The following TBCE variants were observed in gnomAD, a reference collection of about 807,000 sequenced individuals.
TBCE encodes the protein tubulin-specific chaperone E.
In TBCE, 53 loss-of-function variants were observed where a neutral mutation model predicts 77.0. That is an observed-to-expected ratio of 0.69 (90% confidence interval 0.55 to 0.87). The LOEUF (loss-of-function observed/expected upper bound fraction) is 0.87. Among genes scored for constraint, TBCE ranks in the 40% least tolerant of loss-of-function variants. The pLI is 0.00. For synonymous variants in TBCE, 235 were observed against 241.3 expected, an observed-to-expected ratio of 0.97 and a Z score of 0.24; for missense variants, 624 against 622.4, an observed-to-expected ratio of 1.00 and a Z score of -0.03.
At chr1:235,392,093 G>A (rs1403420931) in intron 2 of TBCE, among the ~76,000 whole-genome samples, 1 of 152,086 alleles carries the variant, frequency 6.6e-6, no homozygotes, top group African/African-American at 2.4e-5. Context: ...AGGCTGAAGA[G>A]GGAGGATTGC....
intron 6 of TBCE, 96 bp from the exon 7 acceptor site, chr1:235,430,609 C>T (rs981721509): frequency 1.2e-6 from 1 of 804,170 alleles, no homozygotes. Flanking sequence ...CAAATCAAAC[C>T]CCTTAGATTA....
At chr1:235,430,935 A>C (rs2291688) in intron 7 of TBCE, 131 bp downstream of exon 7, 1 of 764,382 alleles carries the variant, frequency 1.3e-6, no homozygotes, top group Non-Finnish European at 2.2e-6. Flanking sequence ...CTATTAATAG[A>C]TAACAAGATT....
rs960840145 is a variant in TBCE, at chr1:235,381,597, A to G, written c.100+1448A>G. 1.3e-4 allele frequency among the ~76,000 whole-genome samples: 19 copies of G among 147,798 alleles called. No individual in the cohort carries two copies. The Admixed American group carries it at 1.3e-3, about 10-fold the overall frequency. Reference sequence around the variant, plus strand: ...TACTAAGGGAGACTGAGGCAGGAGAATGGCATGAACCTGGGAGGTGGAGGT... The same window carrying G: ...TACTAAGGGAGACTGAGGCAGGAGAGTGGCATGAACCTGGGAGGTGGAGGT... On this transcript the variant is annotated intron_variant, in intron 2 of 16. Coordinates refer to ENST00000642610, the MANE Select transcript of TBCE (RefSeq NM_003193.5).
intron 1 of TBCE, among the ~76,000 whole-genome samples, chr1:235,370,933 G>T (rs1354963665): frequency 6.8e-6 from 1 of 147,800 alleles, no homozygotes; most frequent in Non-Finnish European, 1.5e-5. Context: ...GTAGAAATGG[G>T]GTTTCACCAT....
chr1:235,394,156 G>C (rs1012059131), intron 2 of TBCE, among the ~76,000 whole-genome samples: 3 of 151,978 alleles, frequency 2.0e-5, no homozygotes, highest in African/African-American at 7.2e-5. Flanking sequence ...CTCATTGCAA[G>C]CTCTGCCCGC....
rs199888401 is a variant in TBCE, at chr1:235,401,535, G to A, written c.133G>A (p.Glu45Lys). 279 of 1,613,840 alleles carry A rather than the reference G, an allele frequency of 1.7e-4. 1 individual carries two copies. In the South Asian group the frequency reaches 2.3e-3, roughly 14 times the overall value. Residue 45 changes from glutamate (E) to lysine (K), a missense_variant, in exon 3 of 17, where the codon GAG (glutamate) becomes AAG (lysine). By Grantham distance (56) the Glu-to-Lys change is moderately conservative. Coordinates refer to ENST00000642610, the MANE Select transcript of TBCE (RefSeq NM_003193.5). ...PWLGVEWDNPERGKHDGSHEG... is the reference protein window; with the variant it reads ...PWLGVEWDNPKRGKHDGSHEG... ...GTTAGGAGTAGAATGGGACAATCCC[G>A]AGAGAGGAAAGCATGATGGGAGCCA...
chr1:235,392,630 C>G (rs890432999), intron 2 of TBCE, among the ~76,000 whole-genome samples: 17 of 151,428 alleles, frequency 1.1e-4, no homozygotes, highest in African/African-American at 4.1e-4. Flanking sequence ...AGGCTGATCT[C>G]GAACTGCTGA....
At chr1:235,375,919 A>G (rs981192211) in intron 1 of TBCE, among the ~76,000 whole-genome samples, 1 of 152,082 alleles carries the variant, frequency 6.6e-6, no homozygotes, top group East Asian at 1.9e-4. Flanking sequence ...TTGGTGGCAC[A>G]TGCCTATAAT....
At chr1:235,410,482 C>G (rs1679721829) in intron 3 of TBCE, among the ~76,000 whole-genome samples, 1 of 152,082 alleles carries the variant, frequency 6.6e-6, no homozygotes. Context: ...AGAGGTCACT[C>G]TCATCTCCAT....
intron 13 of TBCE, among the ~76,000 whole-genome samples, chr1:235,439,421 G>A (rs867889620): frequency 4.0e-5 from 6 of 148,942 alleles, no homozygotes; most frequent in Non-Finnish European, 6.0e-5. Context: ...GTGTGAACCC[G>A]GGGGGCGGAG....
rs536077088 is a variant in TBCE, at chr1:235,448,620, T to G, written c.1492-50T>G. The G allele has an allele frequency of 1.8e-5, 28 of 1,515,400 alleles. No homozygotes were observed. The African/African-American group carries it at 3.4e-4, about 19-fold the overall frequency. 93.9% of individuals were successfully genotyped at this position (1,515,400 alleles called of 1,614,324 possible). ...GGGGAAGAGTATGTGTAGCATGCTTTATCGGATCTGTCTTAATCACATCCT... is the reference window on the plus strand; with the variant it reads ...GGGGAAGAGTATGTGTAGCATGCTTGATCGGATCTGTCTTAATCACATCCT... On this transcript the variant is annotated intron_variant, in intron 16 of 16. Coordinates refer to ENST00000642610, the MANE Select transcript of TBCE (RefSeq NM_003193.5).
At chr1:235,386,989 C>A (rs1678049781) in intron 2 of TBCE, among the ~76,000 whole-genome samples, 1 of 152,144 alleles carries the variant, frequency 6.6e-6, no homozygotes, top group Non-Finnish European at 1.5e-5. Flanking sequence ...TGTGGATGTC[C>A]TTCCTGTTTG....
chr1:235,392,557 C>G (rs554952201), intron 2 of TBCE, among the ~76,000 whole-genome samples: 1 of 151,268 alleles, frequency 6.6e-6, no homozygotes, highest in Admixed American at 6.6e-5. Context: ...ATTACAGGCA[C>G]CCCCCTCCAT....
intron 1 of TBCE, among the ~76,000 whole-genome samples, chr1:235,378,303 C>T (rs1402404949): frequency 6.6e-6 from 1 of 152,124 alleles, no homozygotes; most frequent in African/African-American, 2.4e-5. Context: ...TTACTGCAGC[C>T]TCAGTCTTCT....
At chr1:235,402,308 C>T (rs1177525708) in intron 3 of TBCE, among the ~76,000 whole-genome samples, 2 of 151,898 alleles carry the variant, frequency 1.3e-5, no homozygotes, top group South Asian at 2.1e-4. Flanking sequence ...GTGATCCGCC[C>T]GCCTCAGCCT....
At chr1:235,430,574 A>G in intron 6 of TBCE, 131 bp from the exon 7 acceptor site, 1 of 659,928 alleles carries the variant, frequency 1.5e-6, no homozygotes, top group South Asian at 1.8e-5. Flanking sequence ...GATTTTTAAA[A>G]TATAATTCCA....
chr1:235,415,473 T>G (rs1186935957), intron 4 of TBCE: 1 of 152,128 alleles, frequency 6.6e-6, no homozygotes, highest in Non-Finnish European at 1.5e-5. Flanking sequence ...AGCTTCCTAC[T>G]GTGGTGAGTG....
At chr1:235,389,375 T>C (rs1439084505) in intron 2 of TBCE, among the ~76,000 whole-genome samples, 1 of 152,166 alleles carries the variant, frequency 6.6e-6, no homozygotes, top group Non-Finnish European at 1.5e-5. Flanking sequence ...TTGCCTAGGC[T>C]GGAGTGCAAT....
chr1:235,371,355 C>A (rs2102794271), intron 1 of TBCE, among the ~76,000 whole-genome samples: 1 of 150,504 alleles, frequency 6.6e-6, no homozygotes, highest in Middle Eastern at 3.4e-3. Flanking sequence ...CGCCCCCGGC[C>A]ACTCTTGTCT....
Sources: allele counts gnomAD v4.1 joint callset (sites outside exome capture counted in the v4.1 genomes callset), GRCh38; gene constraint gnomAD v4.1.1; transcripts MANE v1.5; gene names NCBI Gene and HGNC (gene_info 2026-07-23, HGNC 2026-07-21).